The following PCDH15 variants were observed in gnomAD, a reference collection of about 807,000 sequenced individuals.
The protein encoded by PCDH15 is protocadherin related 15, also known as protocadherin-15.
A neutral mutation model predicts 178.5 loss-of-function variants in PCDH15; 129 were observed. That is an observed-to-expected ratio of 0.72 (90% CI 0.63 to 0.84). The LOEUF (loss-of-function observed/expected upper bound fraction) is 0.84. Ranked by LOEUF, PCDH15 falls within the 40% of genes least tolerant of loss-of-function variation. The probability of loss-of-function intolerance (pLI) is 0.00; values close to 1 mark genes in which losing one functional copy is unlikely to be tolerated. For missense variants in PCDH15, 2,230 were observed against 2,099.9 expected, an observed-to-expected ratio of 1.06 and a Z score of -1.21; for synonymous variants, 800 against 732.0, an observed-to-expected ratio of 1.09 and a Z score of -1.50.
chr10:55,215,501 T>C (rs1377871070), intron 1 of PCDH15, among the ~76,000 whole-genome samples: 1 of 152,072 alleles, frequency 6.6e-6, no homozygotes, highest in Non-Finnish European at 1.5e-5. Flanking sequence ...CTTCCCTCCT[T>C]GTTAATTTAG....
intron 1 of PCDH15, among the ~76,000 whole-genome samples, chr10:55,242,420 C>T (rs769120193): frequency 2.7e-5 from 4 of 150,436 alleles, no homozygotes; most frequent in Non-Finnish European, 5.9e-5. Context: ...AGTTACAGAA[C>T]TTTGAATCTG....
intron 2 of PCDH15, among the ~76,000 whole-genome samples, chr10:54,602,129 TAA>T (rs1395586752): frequency 2.0e-5 from 3 of 151,958 alleles, no homozygotes; most frequent in South Asian, 2.1e-4. Flanking sequence ...CCCCTAAACC[TAA>T]AAGTTTTCTA....
intron 1 of PCDH15, among the ~76,000 whole-genome samples, chr10:54,690,898 T>A (rs1042037779): frequency 2.0e-5 from 3 of 152,038 alleles, no homozygotes; most frequent in African/African-American, 7.2e-5. Flanking sequence ...AAATGTCCAA[T>A]TTTTTTCTCA....
intron 2 of PCDH15, among the ~76,000 whole-genome samples, chr10:55,165,387 G>A (rs573930238): frequency 6.6e-6 from 1 of 151,878 alleles, no homozygotes; most frequent in South Asian, 2.1e-4. Context: ...TCTTAGGTAC[G>A]CAGAGAAGGA....
chr10:53,841,104 AG>A (rs2132771848), intron 28 of PCDH15, among the ~76,000 whole-genome samples: 1 of 152,356 alleles, frequency 6.6e-6, no homozygotes. Context: ...GGTATAAATT[AG>A]TGATATTTAA....
intron 13 of PCDH15, among the ~76,000 whole-genome samples, chr10:54,181,580 C>T (rs992207849): frequency 3.3e-5 from 5 of 152,030 alleles, no homozygotes; most frequent in African/African-American, 1.2e-4. Context: ...TCTTTTGTTG[C>T]CATCAGCAGC....
chr10:54,248,410 AAG>A (rs1237752307), intron 8 of PCDH15, among the ~76,000 whole-genome samples: 1 of 152,052 alleles, frequency 6.6e-6, no homozygotes, highest in East Asian at 1.9e-4. Context: ...TCTATAGACT[AAG>A]ACATATCATA....
intron 11 of PCDH15, among the ~76,000 whole-genome samples, chr10:54,193,785 G>T (rs993253949): frequency 3.3e-5 from 5 of 152,078 alleles, no homozygotes; most frequent in African/African-American, 1.2e-4. Flanking sequence ...AAAATATAGA[G>T]TGCTTAAAAT....
chr10:54,080,387 A>G (rs903636742), intron 16 of PCDH15, among the ~76,000 whole-genome samples: 1 of 152,140 alleles, frequency 6.6e-6, no homozygotes, highest in Non-Finnish European at 1.5e-5. Flanking sequence ...TAGGTTCTAC[A>G]TTTATTTCTT....
intron 8 of PCDH15, among the ~76,000 whole-genome samples, chr10:54,305,392 T>C (rs538352203): frequency 5.4e-4 from 82 of 152,090 alleles, no homozygotes; most frequent in African/African-American, 1.9e-3. Context: ...TTCCAAAATA[T>C]AAAACAGACA....
intron 10 of PCDH15, among the ~76,000 whole-genome samples, chr10:54,206,357 C>CGTGA (rs1172351601): frequency 6.6e-6 from 1 of 152,048 alleles, no homozygotes; most frequent in African/African-American, 2.4e-5. Flanking sequence ...GTGTTTGGAA[C>CGTGA]GTGAGAATCA....
At chr10:54,579,767 T>A (rs1335696166) in intron 2 of PCDH15, among the ~76,000 whole-genome samples, 1 of 151,878 alleles carries the variant, frequency 6.6e-6, no homozygotes, top group East Asian at 1.9e-4. Context: ...AAAATTAAAA[T>A]CATATCAACC....
intron 2 of PCDH15, among the ~76,000 whole-genome samples, chr10:55,491,572 G>C (rs550382514): frequency 6.6e-6 from 1 of 151,656 alleles, no homozygotes; most frequent in East Asian, 2.0e-4. Context: ...CAGGAGTTTA[G>C]ACAGGGAGAG....
intron 2 of PCDH15, among the ~76,000 whole-genome samples, chr10:55,070,595 G>A (rs1255477860): frequency 3.3e-5 from 5 of 152,112 alleles, no homozygotes; most frequent in South Asian, 2.1e-4. Context: ...TTGTAGATAC[G>A]TGGCGTTATT....
At chr10:54,046,518 T>G (rs1189660560) in intron 18 of PCDH15, among the ~76,000 whole-genome samples, 1 of 152,046 alleles carries the variant, frequency 6.6e-6, no homozygotes, top group African/African-American at 2.4e-5. Context: ...AGACAGATAC[T>G]AATGCACACA....
chr10:55,346,216 T>C (rs1023431516), intron 2 of PCDH15, among the ~76,000 whole-genome samples: 5 of 152,166 alleles, frequency 3.3e-5, no homozygotes, highest in African/African-American at 1.2e-4. Flanking sequence ...TAAACAGTTA[T>C]AGATATTTAA....
intron 3 of PCDH15, among the ~76,000 whole-genome samples, chr10:54,395,018 C>T (rs996918214): frequency 1.3e-5 from 2 of 152,136 alleles, no homozygotes; most frequent in African/African-American, 4.8e-5. Context: ...GAGGTGCCCA[C>T]ATTTCATATT....
chr10:54,493,924 A>G (rs530128914), intron 3 of PCDH15, among the ~76,000 whole-genome samples: 1 of 152,216 alleles, frequency 6.6e-6, no homozygotes, highest in African/African-American at 2.4e-5. Flanking sequence ...TGATGAGTTC[A>G]TGTCCTTTGT....
intron 2 of PCDH15, among the ~76,000 whole-genome samples, chr10:54,979,457 T>C (rs192077831): frequency 1.2e-4 from 18 of 152,068 alleles, no homozygotes; most frequent in Admixed American, 6.6e-4. Context: ...TCACCTGACG[T>C]CAGGAGTTCA....
Sources: allele counts gnomAD v4.1 joint callset (sites outside exome capture counted in the v4.1 genomes callset), GRCh38; gene constraint gnomAD v4.1.1; transcripts MANE v1.5; gene names NCBI Gene and HGNC (gene_info 2026-07-23, HGNC 2026-07-21).